Variants in GRIK3 observed in about 807,000 individuals in gnomAD.
GRIK3 encodes the protein glutamate ionotropic receptor kainate type subunit 3, also known as glutamate receptor ionotropic, kainate 3.
In GRIK3, 29 loss-of-function variants were observed where a neutral mutation model predicts 102.5. The ratio of observed to expected loss-of-function variants is 0.28; its 90% CI spans 0.21 to 0.39. GRIK3 has a LOEUF of 0.39. GRIK3 is among the 10% of genes least tolerant of loss of function. The pLI is 1.00. For synonymous variants in GRIK3, 511 were observed against 504.9 expected (o/e 1.01, Z -0.16); for missense variants, 908 against 1,252.4 (o/e 0.73, Z 4.15).
chr1:36,871,803 G>A (rs1394411451), intron 4 of GRIK3, among the ~76,000 whole-genome samples: 1 of 152,206 alleles, frequency 6.6e-6, no homozygotes, highest in African/African-American at 2.4e-5. Flanking sequence ...TCTGGGGGCT[G>A]TTCCTGAGAA....
intron 1 of GRIK3, among the ~76,000 whole-genome samples, chr1:37,025,443 CA>C (rs1225906753): frequency 6.6e-6 from 1 of 152,220 alleles, no homozygotes; most frequent in African/African-American, 2.4e-5. Flanking sequence ...GATTCTGGCA[CA>C]TGCTAATATT....
intron 2 of GRIK3, among the ~76,000 whole-genome samples, chr1:36,890,142 G>T (rs1641098034): frequency 6.6e-6 from 1 of 152,142 alleles, no homozygotes; most frequent in Non-Finnish European, 1.5e-5. Flanking sequence ...TCTGTCTGCA[G>T]ATCAGCTCTG....
At chr1:36,975,290 T>TG (rs1305846699) in intron 1 of GRIK3, among the ~76,000 whole-genome samples, 6 of 140,692 alleles carry the variant, frequency 4.3e-5, no homozygotes, top group Non-Finnish European at 9.2e-5. Flanking sequence ...TAAAGTTGGT[T>TG]TTTTTTTTTT....
intron 12 of GRIK3, among the ~76,000 whole-genome samples, chr1:36,817,698 G>A (rs1365316228): frequency 1.3e-5 from 2 of 152,154 alleles, no homozygotes; most frequent in Non-Finnish European, 2.9e-5. Flanking sequence ...AGGACCCTTG[G>A]GTTCTCGAGT....
At chr1:37,003,941 G>A (rs1642505508) in intron 1 of GRIK3, among the ~76,000 whole-genome samples, 1 of 152,102 alleles carries the variant, frequency 6.6e-6, no homozygotes, top group Non-Finnish European at 1.5e-5. Flanking sequence ...GAGGAGGGAG[G>A]GGGCTGGGAA....
At chr1:37,003,640 A>G (rs1258711336) in intron 1 of GRIK3, among the ~76,000 whole-genome samples, 1 of 152,190 alleles carries the variant, frequency 6.6e-6, no homozygotes, top group African/African-American at 2.4e-5. Flanking sequence ...TTTTCTGAGC[A>G]CTGGCTACAA....
intron 1 of GRIK3, among the ~76,000 whole-genome samples, chr1:37,007,818 A>G (rs1642548247): frequency 6.6e-6 from 1 of 152,210 alleles, no homozygotes; most frequent in Non-Finnish European, 1.5e-5. Context: ...TAGAAGGGTT[A>G]TGAGGAGGGC....
intron 1 of GRIK3, among the ~76,000 whole-genome samples, chr1:36,997,525 C>T (rs570269284): frequency 5.5e-4 from 84 of 152,292 alleles, no homozygotes; most frequent in Non-Finnish European, 9.0e-4. Context: ...GGGGGGCACG[C>T]GAGCTCTAGA....
chr1:37,001,000 A>T (rs1642470304), intron 1 of GRIK3, among the ~76,000 whole-genome samples: 1 of 152,236 alleles, frequency 6.6e-6, no homozygotes, highest in Non-Finnish European at 1.5e-5. Flanking sequence ...GTACCTGGCT[A>T]CAGAGGTTAG....
chr1:36,843,357 C>CT, intron 9 of GRIK3, among the ~76,000 whole-genome samples: 1 of 152,316 alleles, frequency 6.6e-6, no homozygotes, highest in Middle Eastern at 3.4e-3. Flanking sequence ...CTACTCTGCA[C>CT]CAGGCACTGA....
chr1:36,922,191 G>A (rs1274459569), intron 1 of GRIK3, among the ~76,000 whole-genome samples: 2 of 152,214 alleles, frequency 1.3e-5, no homozygotes, highest in African/African-American at 4.8e-5. Context: ...CTGAGTGGGT[G>A]GACATCAGTC....
intron 1 of GRIK3, among the ~76,000 whole-genome samples, chr1:36,964,161 G>A (rs940653645): frequency 7.2e-5 from 11 of 152,224 alleles, no homozygotes. Flanking sequence ...TTACACAGCT[G>A]GGCGAGGTCT....
intron 10 of GRIK3, among the ~76,000 whole-genome samples, chr1:36,838,007 CA>C (rs1640401734): frequency 1.3e-5 from 2 of 152,128 alleles, no homozygotes; most frequent in South Asian, 2.1e-4. Context: ...GCAGGATGAC[CA>C]CGGCTGAGGG....
At chr1:37,031,907 T>C (rs1421927353) in intron 1 of GRIK3, among the ~76,000 whole-genome samples, 1 of 151,920 alleles carries the variant, frequency 6.6e-6, no homozygotes, top group Non-Finnish European at 1.5e-5. Flanking sequence ...GGCCTCAGAG[T>C]CCTCCCATCC....
intron 5 of GRIK3, among the ~76,000 whole-genome samples, chr1:36,866,899 G>A (rs1246905322): frequency 6.6e-6 from 1 of 152,186 alleles, no homozygotes; most frequent in African/African-American, 2.4e-5. Context: ...AGACATTAAT[G>A]AGCACCTACC....
chr1:36,960,012 C>T (rs1424902644), intron 1 of GRIK3, among the ~76,000 whole-genome samples: 1 of 103,168 alleles, frequency 9.7e-6, no homozygotes, highest in Non-Finnish European at 2.1e-5. Flanking sequence ...TCTGTGTGCC[C>T]CATAAGTCTG....
intron 1 of GRIK3, among the ~76,000 whole-genome samples, chr1:36,906,427 G>C (rs1641285629): frequency 6.6e-6 from 1 of 152,190 alleles, no homozygotes; most frequent in African/African-American, 2.4e-5. Flanking sequence ...GCTACTGCAT[G>C]GCACATGGCA....
At chr1:36,899,134 T>A (rs1238639953) in intron 1 of GRIK3, among the ~76,000 whole-genome samples, 1 of 152,166 alleles carries the variant, frequency 6.6e-6, no homozygotes, top group Admixed American at 6.5e-5. Flanking sequence ...AACAATCTCT[T>A]GGATATGACA....
chr1:36,832,908 C>A (rs1640326383), intron 10 of GRIK3, among the ~76,000 whole-genome samples: 1 of 152,236 alleles, frequency 6.6e-6, no homozygotes, highest in South Asian at 2.1e-4. Flanking sequence ...GTGGGCCCCC[C>A]TGCCCCCAAG....
Sources: allele counts gnomAD v4.1 joint callset (sites outside exome capture counted in the v4.1 genomes callset), GRCh38; gene constraint gnomAD v4.1.1; transcripts MANE v1.5; gene names NCBI Gene and HGNC (gene_info 2026-07-23, HGNC 2026-07-21).